The following NDST4 variants were observed in gnomAD, a reference collection of about 807,000 sequenced individuals.
NDST4 encodes N-deacetylase and N-sulfotransferase 4, also known as N-heparan sulfate sulfotransferase 4.
Under a neutral mutation model 100.8 loss-of-function variants are expected in NDST4, and 63 were observed. That is an observed-to-expected ratio of 0.62 (90% CI 0.51 to 0.77). NDST4 has a LOEUF of 0.77. NDST4 is among the 30% of genes least tolerant of loss of function. The pLI is 0.00. For synonymous variants in NDST4, 377 were observed against 361.8 expected (o/e 1.04, Z -0.48); for missense variants, 943 against 1,018.4 (o/e 0.93, Z 1.01).
chr4:114,967,532 C>T (rs989554082), intron 4 of NDST4, among the ~76,000 whole-genome samples: 1 of 151,980 alleles, frequency 6.6e-6, no homozygotes, highest in Admixed American at 6.6e-5. Context: ...GAAATATAAC[C>T]TATATCCCTA....
chr4:114,904,674 C>G (rs937811061), intron 6 of NDST4, among the ~76,000 whole-genome samples: 26 of 151,584 alleles, frequency 1.7e-4, no homozygotes, highest in Middle Eastern at 3.5e-3. Context: ...AAATATTTGA[C>G]AGAAAGAATG....
At chr4:114,945,067 G>A (rs2126229533) in intron 4 of NDST4, among the ~76,000 whole-genome samples, 1 of 152,004 alleles carries the variant, frequency 6.6e-6, no homozygotes, top group South Asian at 2.1e-4. Context: ...AAATTAGCTG[G>A]CTGTGGTGGC....
intron 2 of NDST4, among the ~76,000 whole-genome samples, chr4:115,002,834 C>T (rs1727324504): frequency 6.6e-6 from 1 of 152,024 alleles, no homozygotes; most frequent in Non-Finnish European, 1.5e-5. Flanking sequence ...AACCCAAATG[C>T]CCATAATTAA....
intron 6 of NDST4, among the ~76,000 whole-genome samples, chr4:114,916,833 C>T (rs894596509): frequency 6.6e-6 from 1 of 151,512 alleles, no homozygotes; most frequent in Admixed American, 6.6e-5. Context: ...GCAAATCTTA[C>T]GTAAATTTTC....
At chr4:114,861,711 T>C (rs1315515748) in intron 7 of NDST4, among the ~76,000 whole-genome samples, 5 of 152,062 alleles carry the variant, frequency 3.3e-5, no homozygotes, top group Non-Finnish European at 7.4e-5. Flanking sequence ...ATTGCCCTAC[T>C]AGATTACCTG....
chr4:114,992,577 C>A (rs1457685571), intron 2 of NDST4, among the ~76,000 whole-genome samples: 1 of 150,066 alleles, frequency 6.7e-6, no homozygotes, highest in Non-Finnish European at 1.5e-5. Flanking sequence ...TAAAGTTGAC[C>A]TTTTGTTTCC....
rs1351218849 is a variant in NDST4, at chr4:115,097,324, A to G, written c.-247+16120T>C. 4.6e-5 allele frequency among the ~76,000 whole-genome samples: 7 copies of G among 152,098 alleles called. No homozygotes were observed. In the East Asian group the frequency reaches 1.2e-3, roughly 25 times the overall value. ...GGCATTTCCAACTTAAATGAGACCA[A>G]ACCTGATTATCTGATATTTTCCTTT... On this transcript the variant is annotated intron_variant, in intron 1 of 13. Transcript: ENST00000264363.
chr4:115,070,368 C>T (rs1578498634), intron 2 of NDST4, among the ~76,000 whole-genome samples: 4 of 151,988 alleles, frequency 2.6e-5, no homozygotes, highest in Admixed American at 2.6e-4. Context: ...AAGATGAGAA[C>T]ACATGGACAC....
chr4:115,083,321 C>T (rs980940598), intron 1 of NDST4, among the ~76,000 whole-genome samples: 10 of 151,784 alleles, frequency 6.6e-5, no homozygotes, highest in Non-Finnish European at 1.0e-4. Flanking sequence ...TAGGCAGGTG[C>T]GGTGGTGTGA....
chr4:114,984,532 T>G (rs115373665), intron 2 of NDST4, among the ~76,000 whole-genome samples: 2,123 of 152,304 alleles, frequency 0.014, 42 homozygotes, highest in African/African-American at 0.047. Flanking sequence ...GTTTGTTTTA[T>G]ATGGTCTTTT....
intron 2 of NDST4, among the ~76,000 whole-genome samples, 192 bp from the exon 3 acceptor site, chr4:114,977,466 C>G (rs1726665140): frequency 6.6e-6 from 1 of 151,744 alleles, no homozygotes; most frequent in Non-Finnish European, 1.5e-5. Flanking sequence ...TGAAGGTCAC[C>G]ATATTATGAA....
intron 2 of NDST4, among the ~76,000 whole-genome samples, chr4:115,056,651 T>TAGAAACA (rs1447673691): frequency 2.0e-5 from 3 of 152,152 alleles, no homozygotes; most frequent in Non-Finnish European, 1.5e-5. Context: ...CAACTTTTAT[T>TAGAAACA]AGAAACTACT....
chr4:114,830,850 T>C (rs1441666024), intron 12 of NDST4, among the ~76,000 whole-genome samples: 1 of 152,198 alleles, frequency 6.6e-6, no homozygotes, highest in East Asian at 1.9e-4. Flanking sequence ...CCTATAATAC[T>C]GGTGCACCTG....
At chr4:114,867,315 T>C (rs1724047788) in intron 7 of NDST4, among the ~76,000 whole-genome samples, 1 of 152,162 alleles carries the variant, frequency 6.6e-6, no homozygotes. Flanking sequence ...AAACTGGGGC[T>C]GGATGTCTTG....
chr4:114,871,798 A>G (rs967025725), intron 6 of NDST4, among the ~76,000 whole-genome samples: 3 of 152,034 alleles, frequency 2.0e-5, no homozygotes, highest in African/African-American at 7.2e-5. Context: ...GATATTTTCA[A>G]ATTTAATTGT....
At chr4:114,862,599 A>G (rs1284677114) in intron 7 of NDST4, among the ~76,000 whole-genome samples, 1 of 152,138 alleles carries the variant, frequency 6.6e-6, no homozygotes, top group African/African-American at 2.4e-5. Context: ...CTGTATGTTC[A>G]ACTCGGCCAC....
intron 3 of NDST4, among the ~76,000 whole-genome samples, chr4:114,975,058 T>G (rs986869857): frequency 1.3e-5 from 2 of 152,076 alleles, no homozygotes; most frequent in Admixed American, 1.3e-4. Context: ...AATTGTTTTT[T>G]CTAAAATGTG....
chr4:115,102,704 CTTT>C lies in NDST4; in HGVS notation c.-247+10737_-247+10739del, dbSNP rs751431042. Among the ~76,000 whole-genome samples the C allele has an allele frequency of 8.8e-4, 80 of 90,564 alleles. No homozygotes were observed. In the South Asian group the frequency reaches 0.011, roughly 13 times the overall value. 59.4% of individuals were successfully genotyped at this position (90,564 alleles called of 152,430 possible). On this transcript the variant is annotated intron_variant, in intron 1 of 13. Coordinates refer to ENST00000264363, the MANE Select transcript of NDST4 (RefSeq NM_022569.3). The stretch of plus-strand genomic sequence containing the variant: ...TTATATACCATATACTTCTGACTTC[CTTT>C]TTTTTTTTTTTTTTTTTTGACATGG...
intron 1 of NDST4, among the ~76,000 whole-genome samples, chr4:115,084,943 G>A (rs1003198975): frequency 6.6e-6 from 1 of 152,080 alleles, no homozygotes; most frequent in African/African-American, 2.4e-5. Context: ...CTAGACCCCA[G>A]AATGGTAAAT....
Sources: gnomAD v4.1 joint callset for allele counts (sites outside exome capture counted in the v4.1 genomes callset) on GRCh38, gnomAD v4.1.1 for gene constraint, MANE v1.5 for transcripts, NCBI Gene and HGNC (gene_info 2026-07-23, HGNC 2026-07-21) for gene names.